Variants in TRRAP observed in about 807,000 individuals in gnomAD.
TRRAP encodes transformation/transcription domain associated protein, also known as transformation/transcription domain-associated protein.
In TRRAP, 41 loss-of-function variants were observed where a neutral mutation model predicts 438.8. That is an observed-to-expected ratio of 0.09 (90% CI 0.07 to 0.12). The LOEUF is 0.12. Ranked by LOEUF, TRRAP falls within the 10% of genes least tolerant of loss-of-function variation. The pLI is 1.00. For synonymous variants in TRRAP, 1,994 were observed against 1,962.9 expected (o/e 1.02, Z -0.42); for missense variants, 3,122 against 5,055.1 (o/e 0.62, Z 11.60).
At chr7:98,969,212 C>T (rs1283587164) in intron 51 of TRRAP, among the ~76,000 whole-genome samples, 1 of 152,194 alleles carries the variant, frequency 6.6e-6, no homozygotes. Context: ...TTGTGCGTGG[C>T]ATAAAATCCA....
chr7:98,909,042 G>A, intron 14 of TRRAP, 80 bp downstream of exon 14: 2 of 773,426 alleles, frequency 2.6e-6, no homozygotes, highest in East Asian at 3.1e-5. Context: ...TTTTTTTTTT[G>A]AGACAGATCC....
At chr7:98,924,919 G>A (rs1467459114) in intron 21 of TRRAP, among the ~76,000 whole-genome samples, 193 bp from the exon 22 acceptor site, 1 of 151,586 alleles carries the variant, frequency 6.6e-6, no homozygotes, top group East Asian at 1.9e-4. Context: ...CAGGAGAATG[G>A]CGTGAACCCG....
intron 5 of TRRAP, 84 bp from the exon 6 acceptor site, chr7:98,893,714 A>T: frequency 1.7e-6 from 2 of 1,175,208 alleles, no homozygotes; most frequent in Non-Finnish European, 2.5e-6. Context: ...GTTGATGGAA[A>T]GTGTGTGTGC....
chr7:98,978,370 A>G (rs1278479442), intron 57 of TRRAP, 47 bp downstream of exon 57: 1 of 1,517,080 alleles, frequency 6.6e-7, no homozygotes, highest in African/African-American at 1.4e-5. Context: ...AGTTAAGGGA[A>G]CCAGGGAAAA....
intron 3 of TRRAP, among the ~76,000 whole-genome samples, chr7:98,887,777 A>G (rs1027322098): frequency 6.7e-6 from 1 of 148,296 alleles, no homozygotes; most frequent in East Asian, 2.0e-4. Flanking sequence ...TCCTTGTTCC[A>G]TACTGCTTTC....
intron 10 of TRRAP, among the ~76,000 whole-genome samples, chr7:98,900,347 C>A (rs782699695): frequency 2.0e-5 from 3 of 152,178 alleles, no homozygotes; most frequent in Non-Finnish European, 4.4e-5. Flanking sequence ...TACTCGAATT[C>A]TTTCTGCGGA....
Position 98,964,620 on chromosome 7 carries a change from A to C in TRRAP, c.6830-9A>C, listed in dbSNP as rs762575634. 40 of 1,602,732 alleles carry C rather than the reference A, an allele frequency of 2.5e-5. No homozygotes were observed. The Admixed American group carries it at 7.1e-4, about 28-fold the overall frequency. On this transcript the variant is annotated splice_polypyrimidine_tract_variant and intron_variant, in intron 47 of 72. Coordinates refer to ENST00000456197, the MANE Select transcript of TRRAP (RefSeq NM_001375524.1). ...TTCTGTGAAACACTTGGCAATTTCT[A>C]CATTTTAGGGACCCTTATGATCCTC... is the stretch of plus-strand genomic sequence containing the variant.
At chr7:98,983,969 A>G in intron 60 of TRRAP, 124 bp from the exon 61 acceptor site, 1 of 1,258,222 alleles carries the variant, frequency 7.9e-7, no homozygotes, top group Non-Finnish European at 1.1e-6. Context: ...ACGAGGGTTT[A>G]TCACAGAGCT....
At chr7:98,962,586 C>G (rs1031955982) in intron 47 of TRRAP, among the ~76,000 whole-genome samples, 159 bp downstream of exon 47, 2 of 152,208 alleles carry the variant, frequency 1.3e-5, no homozygotes, top group African/African-American at 4.8e-5. Context: ...TCAAGGCCGC[C>G]GTCTCCTGTA....
chr7:99,000,715 A>G (rs942960810), intron 67 of TRRAP, among the ~76,000 whole-genome samples: 1 of 152,142 alleles, frequency 6.6e-6, no homozygotes, highest in African/African-American at 2.4e-5. Flanking sequence ...CCTGTGAGCA[A>G]TGGGCCAGCC....
At position 98,984,932 on chromosome 7, in the gene TRRAP, T is replaced by G. The variant is rs369710201; in HGVS notation, c.9289-12T>G. On this transcript the variant is annotated splice_polypyrimidine_tract_variant and intron_variant, in intron 61 of 72. Transcript: ENST00000456197. ...TTCAAGAACTTTTTTTCTGCTCATT[T>G]TTTTTGAACAGGGCCTTGAAGTTAT... 5.1e-6 allele frequency: 8 copies of G among 1,576,492 alleles called. No homozygotes were observed. The African/African-American group carries it at 9.6e-5, about 19-fold the overall frequency.
intron 67 of TRRAP, chr7:98,999,490 G>C (rs1284207855): frequency 1.3e-6 from 1 of 769,278 alleles, no homozygotes; most frequent in Non-Finnish European, 2.3e-6. Context: ...AGAACTTATC[G>C]TGAGCTCAGA....
intron 15 of TRRAP, 25 bp from the exon 16 acceptor site, chr7:98,910,485 A>G (rs1239079237): frequency 1.2e-6 from 2 of 1,613,650 alleles, no homozygotes; most frequent in Admixed American, 1.7e-5. Flanking sequence ...ATTCAAGTTA[A>G]CTTAATATAC....
At chr7:98,911,391 C>A in intron 17 of TRRAP, 120 bp downstream of exon 17, 1 of 998,192 alleles carries the variant, frequency 1.0e-6, no homozygotes, top group South Asian at 2.0e-5. Context: ...GCTTATAGCT[C>A]AAAATTTAAA....
At chr7:98,910,641 A>G in intron 16 of TRRAP, 34 bp downstream of exon 16, 1 of 1,567,052 alleles carries the variant, frequency 6.4e-7, no homozygotes, top group Admixed American at 1.8e-5. Context: ...GCTTTCGCAT[A>G]TGGAAAGTAC....
At chr7:98,895,967 G>A (rs1796179236) in intron 7 of TRRAP, 147 bp downstream of exon 7, 2 of 515,466 alleles carry the variant, frequency 3.9e-6, no homozygotes, top group Non-Finnish European at 6.3e-6. Flanking sequence ...GTTAAAAACT[G>A]GGTTGATAAG....
chr7:99,003,990 T>C (rs1172746750), intron 67 of TRRAP, among the ~76,000 whole-genome samples, 200 bp from the exon 68 acceptor site: 1 of 152,132 alleles, frequency 6.6e-6, no homozygotes, highest in African/African-American at 2.4e-5. Context: ...GGAGAATCAC[T>C]GAAACCCGGG....
At position 98,981,752 on chromosome 7, in the gene TRRAP, C is replaced by T. The variant is rs1156786722; in HGVS notation, c.8635-17C>T. ...AGAAGGCCCCTCACGTCCTGTGTCA[C>T]GTTCTTTCACTGCCAGGTGGAAGTG... On this transcript the variant is annotated splice_polypyrimidine_tract_variant and intron_variant, in intron 58 of 72. Coordinates refer to ENST00000456197, the MANE Select transcript of TRRAP (RefSeq NM_001375524.1). The T allele has an allele frequency of 4.4e-6, 7 of 1,592,982 alleles. No homozygotes were observed. Among genetic ancestry groups the T allele is most frequent in the South Asian group, 2.3e-5 (2 of 87,102 alleles).
At chr7:98,982,143 A>T (rs1394353575) in intron 59 of TRRAP, among the ~76,000 whole-genome samples, 183 bp downstream of exon 59, 1 of 152,138 alleles carries the variant, frequency 6.6e-6, no homozygotes, top group Non-Finnish European at 1.5e-5. Context: ...GTTGAGAAAA[A>T]CATGTCGGTG....
Sources: allele counts gnomAD v4.1 joint callset (sites outside exome capture counted in the v4.1 genomes callset), GRCh38; gene constraint gnomAD v4.1.1; transcripts MANE v1.5; gene names NCBI Gene and HGNC (gene_info 2026-07-23, HGNC 2026-07-21).